UVRAG: variants seen among roughly 807,000 people sequenced by gnomAD.
UVRAG encodes the protein UV radiation resistance-associated gene protein.
In UVRAG, 19 loss-of-function variants were observed where a neutral mutation model predicts 78.0. That is an observed-to-expected ratio of 0.24 (90% CI 0.17 to 0.36). The LOEUF is 0.36. UVRAG is among the 10% of genes least tolerant of loss of function. UVRAG has a pLI of 1.00. For missense variants in UVRAG, 740 were observed against 853.8 expected, an observed-to-expected ratio of 0.87 and a Z score of 1.66; for synonymous variants, 323 against 324.6, an observed-to-expected ratio of 1.00 and a Z score of 0.05.
chr11:76,091,600 G>A (rs1321657628), intron 13 of UVRAG, among the ~76,000 whole-genome samples: 1 of 151,756 alleles, frequency 6.6e-6, no homozygotes, highest in African/African-American at 2.4e-5. Context: ...GGAGAGATTT[G>A]CTTACCTTCA....
chr11:75,940,314 C>T (rs1404090559), intron 6 of UVRAG, among the ~76,000 whole-genome samples: 1 of 152,112 alleles, frequency 6.6e-6, no homozygotes, highest in Non-Finnish European at 1.5e-5. Flanking sequence ...CTAACATTAT[C>T]ATGGTCCTTT....
intron 3 of UVRAG, among the ~76,000 whole-genome samples, chr11:75,871,097 C>G (rs1946637518): frequency 1.3e-5 from 2 of 152,166 alleles, no homozygotes; most frequent in East Asian, 1.9e-4. Flanking sequence ...TGGTCACGAA[C>G]CCCAGACCTC....
intron 11 of UVRAG, among the ~76,000 whole-genome samples, chr11:76,014,423 G>A (rs992480384): frequency 1.3e-5 from 2 of 152,172 alleles, no homozygotes; most frequent in African/African-American, 4.8e-5. Context: ...GAGGGAAGTT[G>A]CAACTTAGCA....
At chr11:76,064,774 G>T (rs1288342912) in intron 12 of UVRAG, among the ~76,000 whole-genome samples, 1 of 151,996 alleles carries the variant, frequency 6.6e-6, no homozygotes, top group East Asian at 1.9e-4. Flanking sequence ...GCAATTAAAA[G>T]ACAATTGAAA....
At chr11:75,977,442 C>T (rs1273864705) in intron 7 of UVRAG, among the ~76,000 whole-genome samples, 4 of 152,062 alleles carry the variant, frequency 2.6e-5, no homozygotes, top group Non-Finnish European at 5.9e-5. Context: ...CTTTCTGTCT[C>T]GTTGATCTGT....
intron 6 of UVRAG, among the ~76,000 whole-genome samples, chr11:75,944,319 G>C (rs1313011079): frequency 6.6e-6 from 1 of 152,098 alleles, no homozygotes. Flanking sequence ...AGGGTACTTA[G>C]ATTTGTAGAT....
chr11:75,937,097 C>T (rs1042539346), intron 6 of UVRAG, among the ~76,000 whole-genome samples: 21 of 152,184 alleles, frequency 1.4e-4, no homozygotes, highest in African/African-American at 4.8e-4. Context: ...AGGCTGGGCG[C>T]GGTGGCTCAC....
intron 5 of UVRAG, among the ~76,000 whole-genome samples, chr11:75,896,899 A>T (rs1182631330): frequency 6.6e-6 from 1 of 152,230 alleles, no homozygotes; most frequent in Non-Finnish European, 1.5e-5. Context: ...GAGTGAAATT[A>T]CTTATAGACA....
At chr11:75,996,576 G>A (rs2135313385) in intron 8 of UVRAG, among the ~76,000 whole-genome samples, 1 of 152,304 alleles carries the variant, frequency 6.6e-6, no homozygotes, top group Non-Finnish European at 1.5e-5. Context: ...AGGGGGAGAA[G>A]GTGAGACCTT....
intron 9 of UVRAG, among the ~76,000 whole-genome samples, chr11:76,006,785 T>C (rs150932971): frequency 1.6e-4 from 24 of 152,126 alleles, no homozygotes; most frequent in African/African-American, 5.8e-4. Flanking sequence ...AATTATAATA[T>C]GTAATTGTGA....
chr11:76,127,650 AAT>A (rs1952433213), intron 14 of UVRAG, among the ~76,000 whole-genome samples: 1 of 149,702 alleles, frequency 6.7e-6, no homozygotes, highest in African/African-American at 2.5e-5. Context: ...AAAAAAAAAA[AAT>A]GAATGAATGA....
At chr11:75,986,810 C>G (rs1335266406) in intron 8 of UVRAG, among the ~76,000 whole-genome samples, 2 of 151,334 alleles carry the variant, frequency 1.3e-5, no homozygotes, top group Non-Finnish European at 1.5e-5. Context: ...CCTTCTGTCT[C>G]TAGATTTGCC....
chr11:76,103,183 G>A lies in UVRAG; in HGVS notation c.1306-12741G>A, dbSNP rs12295609. The stretch of plus-strand genomic sequence containing the variant: ...CTGCCAGCCAGAGAAACCTCTGCTT[G>A]TAAAGAGTTTGTGTGATTAGACTGT... On this transcript the variant is annotated intron_variant, in intron 13 of 14. Transcript: ENST00000356136. Among the ~76,000 whole-genome samples, 959 of 152,208 alleles carry A rather than the reference G, an allele frequency of 6.3e-3. 6 individuals are homozygous for A. Among genetic ancestry groups the A allele is most frequent in the African/African-American group, 0.022 (917 of 41,536 alleles).
At chr11:76,016,473 A>G (rs1950147197) in intron 11 of UVRAG, among the ~76,000 whole-genome samples, 2 of 152,200 alleles carry the variant, frequency 1.3e-5, no homozygotes, top group Non-Finnish European at 2.9e-5. Context: ...GCTAATTTTC[A>G]TATCATGTAA....
At chr11:76,005,771 A>G (rs1949923041) in intron 9 of UVRAG, among the ~76,000 whole-genome samples, 2 of 152,226 alleles carry the variant, frequency 1.3e-5, no homozygotes, top group African/African-American at 4.8e-5. Flanking sequence ...CTTGGATTCG[A>G]TTAATTTGCT....
intron 4 of UVRAG, 120 bp downstream of exon 4, chr11:75,880,160 C>T (rs1946904618): frequency 8.7e-7 from 1 of 1,149,048 alleles, no homozygotes; most frequent in Non-Finnish European, 1.2e-6. Flanking sequence ...TGACTGTTTA[C>T]TTATATCACT....
intron 14 of UVRAG, among the ~76,000 whole-genome samples, chr11:76,132,061 A>T (rs903711676): frequency 2.6e-5 from 4 of 152,230 alleles, no homozygotes; most frequent in Non-Finnish European, 5.9e-5. Flanking sequence ...CGCTTTTGGC[A>T]CTCTGTGCAA....
intron 5 of UVRAG, among the ~76,000 whole-genome samples, chr11:75,905,462 A>G (rs112040754): frequency 6.6e-5 from 10 of 152,288 alleles, no homozygotes; most frequent in South Asian, 2.1e-4. Context: ...CTGTCCTCCA[A>G]ACCCCTGGCA....
At chr11:75,885,982 T>G (rs1947068708) in intron 4 of UVRAG, among the ~76,000 whole-genome samples, 2 of 152,130 alleles carry the variant, frequency 1.3e-5, no homozygotes, top group Admixed American at 1.3e-4. Context: ...AGGAAATGTT[T>G]TCTGGTTTTT....
Sources: gnomAD v4.1 joint callset for allele counts (sites outside exome capture counted in the v4.1 genomes callset) on GRCh38, gnomAD v4.1.1 for gene constraint, MANE v1.5 for transcripts, NCBI Gene and HGNC (gene_info 2026-07-23, HGNC 2026-07-21) for gene names.